DNMBP: variants seen among roughly 807,000 people sequenced by gnomAD.
DNMBP encodes the protein dynamin-binding protein.
Under a neutral mutation model 150.0 loss-of-function variants are expected in DNMBP, and 87 were observed. That is an observed-to-expected ratio of 0.58 (90% CI 0.49 to 0.69). The LOEUF is 0.69. Among genes scored for constraint, DNMBP ranks in the 30% least tolerant of loss-of-function variants. DNMBP has a pLI of 0.00. For synonymous variants in DNMBP, 711 were observed against 750.4 expected (o/e 0.95, Z 0.86); for missense variants, 1,774 against 1,949.0 (o/e 0.91, Z 1.69).
chr10:99,898,963 C>CG (rs1564723659), intron 7 of DNMBP, among the ~76,000 whole-genome samples: 1 of 151,830 alleles, frequency 6.6e-6, no homozygotes, highest in African/African-American at 2.4e-5. Flanking sequence ...GAGGCCGAGG[C>CG]GGGTGGATCA....
intron 1 of DNMBP, among the ~76,000 whole-genome samples, chr10:99,984,715 A>C (rs1287671406): frequency 4.6e-5 from 7 of 152,210 alleles, no homozygotes; most frequent in African/African-American, 7.2e-5. Flanking sequence ...AAAAGACATG[A>C]GGAATTTCTC....
intron 1 of DNMBP, among the ~76,000 whole-genome samples, chr10:99,978,639 C>T (rs1054005760): frequency 1.3e-5 from 2 of 152,072 alleles, no homozygotes; most frequent in South Asian, 4.1e-4. Flanking sequence ...AGTGCAGTGG[C>T]GTGATCTTGG....
intron 5 of DNMBP, 140 bp downstream of exon 5, chr10:99,908,813 T>C (rs12570265): frequency 0.36 from 274,433 of 767,664 alleles, 50,901 homozygotes; most frequent in Non-Finnish European, 0.39. Context: ...GTTGAGGCCC[T>C]TGATTAAGAG....
At chr10:100,000,882 A>AC (rs1367992853) in intron 1 of DNMBP, among the ~76,000 whole-genome samples, 3 of 150,370 alleles carry the variant, frequency 2.0e-5, no homozygotes, top group Admixed American at 6.6e-5. Context: ...AAAAAAAAAA[A>AC]AAAAACCCAG....
At chr10:99,981,387 G>A (rs528604946) in intron 1 of DNMBP, among the ~76,000 whole-genome samples, 1 of 152,188 alleles carries the variant, frequency 6.6e-6, no homozygotes, top group African/African-American at 2.4e-5. Flanking sequence ...TCACCTTGTT[G>A]GCCAGGCTTG....
intron 1 of DNMBP, among the ~76,000 whole-genome samples, chr10:99,999,932 G>A (rs2040991887): frequency 6.6e-6 from 1 of 152,224 alleles, no homozygotes; most frequent in Non-Finnish European, 1.5e-5. Flanking sequence ...AACAAAAGCG[G>A]TATTTCAGGA....
At chr10:99,921,329 C>T (rs1255470165) in intron 4 of DNMBP, among the ~76,000 whole-genome samples, 1 of 152,210 alleles carries the variant, frequency 6.6e-6, no homozygotes, top group Non-Finnish European at 1.5e-5. Context: ...CGAAATTCAC[C>T]TCTTCGGCAA....
intron 4 of DNMBP, chr10:99,913,960 GC>G: frequency 7.0e-7 from 1 of 1,432,442 alleles, no homozygotes; most frequent in South Asian, 1.5e-5. Context: ...TACCTGCAGT[GC>G]CCAGAGCTGG....
intron 4 of DNMBP, chr10:99,914,215 G>T: frequency 1.2e-6 from 1 of 844,110 alleles, no homozygotes; most frequent in Non-Finnish European, 1.6e-6. Flanking sequence ...GCAGTACCTG[G>T]ATCAACACCT....
chr10:99,879,578 T>C (rs1463918893), intron 16 of DNMBP, among the ~76,000 whole-genome samples: 4 of 152,226 alleles, frequency 2.6e-5, no homozygotes, highest in Non-Finnish European at 5.9e-5. Context: ...TAGCACCTTT[T>C]AAACACCCAG....
intron 3 of DNMBP, among the ~76,000 whole-genome samples, chr10:99,965,515 G>C (rs1443704419): frequency 2.0e-5 from 1 of 50,850 alleles, no homozygotes; most frequent in Non-Finnish European, 4.1e-5. Flanking sequence ...TTTTTTTTTT[G>C]AGATGGAGTT....
At chr10:99,891,454 C>T (rs1051840218) in intron 11 of DNMBP, among the ~76,000 whole-genome samples, 34 of 151,960 alleles carry the variant, frequency 2.2e-4, no homozygotes, top group Non-Finnish European at 4.0e-4. Flanking sequence ...GGATTGCAGA[C>T]GGAGTCTCGT....
chr10:99,896,024 C>T (rs2039647157), intron 10 of DNMBP, among the ~76,000 whole-genome samples: 1 of 152,062 alleles, frequency 6.6e-6, no homozygotes, highest in Middle Eastern at 3.2e-3. Flanking sequence ...TAGTTTTGTC[C>T]CACCAAATCA....
intron 6 of DNMBP, among the ~76,000 whole-genome samples, chr10:99,901,140 T>C (rs2039731749): frequency 6.6e-6 from 1 of 152,212 alleles, no homozygotes; most frequent in Non-Finnish European, 1.5e-5. Context: ...TTTGCCATGT[T>C]GGCCAGGCTG....
chr10:99,940,031 C>T (rs889061190), intron 4 of DNMBP, among the ~76,000 whole-genome samples: 1 of 152,220 alleles, frequency 6.6e-6, no homozygotes, highest in African/African-American at 2.4e-5. Context: ...TGAGTAGTAA[C>T]TCCATCTCCC....
chr10:99,926,103 A>G (rs1213107297), intron 4 of DNMBP, among the ~76,000 whole-genome samples: 1 of 152,106 alleles, frequency 6.6e-6, no homozygotes, highest in Non-Finnish European at 1.5e-5. Context: ...TACATGCAAA[A>G]CAGGTAACGT....
At chr10:99,964,135 C>CTTTTTTTT (rs895801002) in intron 3 of DNMBP, among the ~76,000 whole-genome samples, 41 of 87,220 alleles carry the variant, frequency 4.7e-4, no homozygotes, top group African/African-American at 1.9e-3. Flanking sequence ...TATTCTCTCT[C>CTTTTTTTT]TTTTTTTTTT....
rs1245923971 is a variant in DNMBP at position 99,908,945 on chromosome 10, G to C, written c.2454+8C>G. 1 of 1,610,870 alleles carries C rather than the reference G, an allele frequency of 6.2e-7. No homozygotes were observed. Among genetic ancestry groups the C allele is most frequent in the South Asian group, 1.1e-5 (1 of 90,578 alleles). ...AAGGTCAAACTAACTCTGTCTCCCA[G>C]TTCCCACCTGTGCCTGCTGCATGGG... On this transcript the variant is annotated splice_region_variant and intron_variant, in intron 5 of 16. Coordinates refer to ENST00000324109, the MANE Select transcript of DNMBP (RefSeq NM_015221.4).
At chr10:99,891,941 C>T (rs1308804741) in intron 11 of DNMBP, among the ~76,000 whole-genome samples, 3 of 149,696 alleles carry the variant, frequency 2.0e-5, no homozygotes, top group African/African-American at 7.4e-5. Flanking sequence ...CCTGCCCGGC[C>T]AGCCGCCCCG....
Sources: gnomAD v4.1 joint callset for allele counts (sites outside exome capture counted in the v4.1 genomes callset) on GRCh38, gnomAD v4.1.1 for gene constraint, MANE v1.5 for transcripts, NCBI Gene and HGNC (gene_info 2026-07-23, HGNC 2026-07-21) for gene names.